The following KICS2 variants were observed in gnomAD, a reference collection of about 807,000 sequenced individuals.
KICS2 encodes KICSTOR complex protein C12orf66.
KICS2 carries 13 observed loss-of-function variants against 31.4 expected under a neutral mutation model. The observed-to-expected ratio is 0.41, with a 90% confidence interval of 0.27 to 0.66. The LOEUF is 0.66. KICS2 is among the 30% of genes least tolerant of loss of function. The probability of loss-of-function intolerance (pLI) is 0.28; values close to 1 mark genes in which losing one functional copy is unlikely to be tolerated. For synonymous variants in KICS2, 209 were observed against 214.8 expected, an observed-to-expected ratio of 0.97 and a Z score of 0.24; for missense variants, 455 against 545.4, an observed-to-expected ratio of 0.83 and a Z score of 1.65.
chr12:64,188,114 C>T (rs1368616006), downstream of KICS2, among the ~76,000 whole-genome samples: 1 of 152,204 alleles, frequency 6.6e-6, no homozygotes, highest in Admixed American at 6.5e-5. Flanking sequence ...TGAATACTTT[C>T]AGATGCTGTT....
rs1190297882 is a variant in KICS2 at position 64,191,080 on chromosome 12, T to G, written c.*2762A>C. On this transcript the variant is annotated 3_prime_UTR_variant, in exon 3 of 3. Coordinates refer to ENST00000398055, the MANE Select transcript of KICS2 (RefSeq NM_152440.5). ...TTCAAAGAAAGCAGTCTGCAGAAAA[T>G]ACGCAGATTTACTCTTTTAATTAGC... 6.6e-6 allele frequency: 1 copy of G among 152,208 alleles called. No homozygotes were observed. Among genetic ancestry groups the G allele is most frequent in the African/African-American group, 2.4e-5 (1 of 41,454 alleles). 9.4% of individuals were successfully genotyped at this position (152,208 alleles called of 1,614,324 possible). A position where few individuals can be genotyped will look rare whatever the true frequency, so the allele number is the denominator to read the frequency against.
At chr12:64,186,650 C>T (rs2037341614), downstream of KICS2, 1 of 152,132 alleles carries the variant, frequency 6.6e-6, no homozygotes, top group African/African-American at 2.4e-5. Flanking sequence ...CAATCAGAGT[C>T]TCATGGTTTT....
chr12:64,195,080 C>G (rs1173422233), intron 2 of KICS2, among the ~76,000 whole-genome samples: 1 of 152,092 alleles, frequency 6.6e-6, no homozygotes, highest in East Asian at 1.9e-4. Context: ...CAGCTGAGAA[C>G]ATAGGCACAC....
chr12:64,218,509 C>T (rs2037650325), intron 1 of KICS2, among the ~76,000 whole-genome samples: 1 of 152,086 alleles, frequency 6.6e-6, no homozygotes, highest in Non-Finnish European at 1.5e-5. Context: ...AATTCCTTTC[C>T]CTTCTATTTA....
At chr12:64,205,867 A>G (rs2037535299) in intron 2 of KICS2, among the ~76,000 whole-genome samples, 1 of 152,158 alleles carries the variant, frequency 6.6e-6, no homozygotes, top group African/African-American at 2.4e-5. Context: ...ATGCAACACA[A>G]AACTCCACTT....
Position 64,192,703 on chromosome 12 carries a change from T to G in KICS2, c.*1139A>C. 3 of 985,402 alleles carry G rather than the reference T, an allele frequency of 3.0e-6. No individual in the cohort carries two copies. The highest frequency in any genetic ancestry group is 3.6e-6 in the Non-Finnish European group (3 of 829,900). The allele number at this position is 985,402 out of a possible 1,614,324, so 61.0% of individuals were successfully genotyped here. A position where few individuals can be genotyped will look rare whatever the true frequency, so the allele number is the denominator to read the frequency against. On this transcript the variant is annotated 3_prime_UTR_variant, in exon 3 of 3. Coordinates refer to ENST00000398055, the MANE Select transcript of KICS2 (RefSeq NM_152440.5). ...TAGAAGTGAAGGTCTCCACAGCCCA[T>G]TATGCCTTCACTGATCCACCTACTT...
At chr12:64,209,452 G>A (rs1213528579) in intron 2 of KICS2, among the ~76,000 whole-genome samples, 1 of 152,084 alleles carries the variant, frequency 6.6e-6, no homozygotes, top group Non-Finnish European at 1.5e-5. Flanking sequence ...GGGCATGGTG[G>A]CAGGCGCCTG....
downstream of KICS2, chr12:64,187,456 C>A: frequency 1.6e-6 from 1 of 623,986 alleles, no homozygotes; most frequent in Non-Finnish European, 2.8e-6. Flanking sequence ...AGAAACAGAC[C>A]TTGTTATCAA....
At chr12:64,206,453 C>T (rs1030765590) in intron 2 of KICS2, among the ~76,000 whole-genome samples, 1 of 152,128 alleles carries the variant, frequency 6.6e-6, no homozygotes, top group Non-Finnish European at 1.5e-5. Flanking sequence ...CCCACTGGAC[C>T]TTCCATGGCA....
At chr12:64,214,155 T>C (rs61416663) in intron 2 of KICS2, among the ~76,000 whole-genome samples, 27 of 152,346 alleles carry the variant, frequency 1.8e-4, no homozygotes, top group African/African-American at 5.8e-4. Flanking sequence ...CCAAATTAAG[T>C]ACAAATTTTC....
At chr12:64,205,754 G>GAAAAGGGAAGGA (rs2037532985) in intron 2 of KICS2, among the ~76,000 whole-genome samples, 1 of 56,876 alleles carries the variant, frequency 1.8e-5, no homozygotes, top group Non-Finnish European at 4.3e-5. Context: ...GGGAGGGAGG[G>GAAAAGGGAAGGA]AAAAGGGAAG....
Position 64,215,686 on chromosome 12 carries a change from G to GT in KICS2, c.512dup (p.Tyr171Ter), listed in dbSNP as rs2037621177. The GT allele has an allele frequency of 6.2e-7, 1 of 1,612,768 alleles. No individual in the cohort carries two copies. The highest frequency in any genetic ancestry group is 1.3e-5 in the African/African-American group (1 of 74,894). Residue 171 changes from tyrosine (Y) to a stop codon, truncating the protein, a stop_gained and frameshift_variant, in exon 2 of 3, where the codon TAC becomes TAAC. Coordinates refer to ENST00000398055, the MANE Select transcript of KICS2 (RefSeq NM_152440.5). LOFTEE classifies it high-confidence loss of function. ...VGLLDAIMKKYSSRFHHPILS... is the reference protein window; with the variant it reads ...VGLLDAIMKK ...CTCCTCCCCACACTGACCTGGAGCTGTATTTTTTCATGATGGCATCCAAAA... is the reference window on the plus strand; with the variant it reads ...CTCCTCCCCACACTGACCTGGAGCTGTTATTTTTTCATGATGGCATCCAAAA...
At chr12:64,213,444 G>A (rs980094255) in intron 2 of KICS2, among the ~76,000 whole-genome samples, 2 of 152,146 alleles carry the variant, frequency 1.3e-5, no homozygotes, top group Non-Finnish European at 2.9e-5. Context: ...TATAAAAGGT[G>A]CACTATTTAT....
chr12:64,190,975 A>AT (rs1228500294), downstream of KICS2: 1 of 152,206 alleles, frequency 6.6e-6, no homozygotes, highest in Non-Finnish European at 1.5e-5. Context: ...ATACTCCTGG[A>AT]TGGAACCCTT....
intron 2 of KICS2, among the ~76,000 whole-genome samples, chr12:64,209,344 G>A (rs1320950911): frequency 2.0e-5 from 3 of 152,026 alleles, no homozygotes; most frequent in Non-Finnish European, 4.4e-5. Context: ...CAGCACTTTG[G>A]GATGCTAAGC....
chr12:64,201,317 A>G (rs2136693876), intron 2 of KICS2, among the ~76,000 whole-genome samples: 1 of 105,204 alleles, frequency 9.5e-6, no homozygotes, highest in South Asian at 4.0e-4. Flanking sequence ...GACATGGATG[A>G]AATTGGAAAT....
rs374258646 is a variant in KICS2, at chr12:64,217,913, AAAGG to A, written c.236-1954_236-1951del. The stretch of plus-strand genomic sequence containing the variant: ...ACCAAAGGAAAGAAAAGAAAAGAAG[AAAGG>A]AAGGAAGGAAGGAAGAAAGAAAGAG... On this transcript the variant is annotated intron_variant, in intron 1 of 2. Coordinates refer to ENST00000398055, the MANE Select transcript of KICS2 (RefSeq NM_152440.5). 4.0e-3 allele frequency among the ~76,000 whole-genome samples: 613 copies of A among 152,156 alleles called. 4 individuals are homozygous for A. The highest frequency in any genetic ancestry group is 0.012 in the African/African-American group (491 of 41,526).
intron 2 of KICS2, among the ~76,000 whole-genome samples, chr12:64,203,070 A>AG (rs2136695648): frequency 6.6e-6 from 1 of 152,252 alleles, no homozygotes; most frequent in South Asian, 2.1e-4. Flanking sequence ...ACAATTTCTC[A>AG]GGAAAACAGA....
intron 2 of KICS2, among the ~76,000 whole-genome samples, chr12:64,208,926 T>G (rs1431178403): frequency 6.6e-6 from 1 of 152,132 alleles, no homozygotes; most frequent in Non-Finnish European, 1.5e-5. Flanking sequence ...AATGTGCATT[T>G]ACAATCTATC....
Sources: gnomAD v4.1 joint callset for allele counts (sites outside exome capture counted in the v4.1 genomes callset) on GRCh38, gnomAD v4.1.1 for gene constraint, MANE v1.5 for transcripts, NCBI Gene and HGNC (gene_info 2026-07-23, HGNC 2026-07-21) for gene names.